The following ARHGAP10 variants were observed in gnomAD, a reference collection of about 807,000 sequenced individuals.
ARHGAP10 encodes the protein rho GTPase-activating protein 10.
Under a neutral mutation model 108.6 loss-of-function variants are expected in ARHGAP10, and 87 were observed. The observed-to-expected ratio is 0.80, with a 90% CI of 0.67 to 0.96. The LOEUF (loss-of-function observed/expected upper bound fraction) is 0.96. Ranked by LOEUF, ARHGAP10 falls within the 40% of genes least tolerant of loss-of-function variation. The pLI, the probability that ARHGAP10 is intolerant of heterozygous loss-of-function variation, is 0.00. For missense variants in ARHGAP10, 939 were observed against 954.5 expected, an observed-to-expected ratio of 0.98 and a Z score of 0.21; for synonymous variants, 347 against 341.1, an observed-to-expected ratio of 1.02 and a Z score of -0.19.
At chr4:148,045,695 G>A (rs1043652453) in intron 19 of ARHGAP10, among the ~76,000 whole-genome samples, 3 of 129,014 alleles carry the variant, frequency 2.3e-5, no homozygotes, top group East Asian at 2.4e-4. Context: ...CCGAGATCGC[G>A]CCATTGCACT....
intron 9 of ARHGAP10, 108 bp from the exon 10 acceptor site, chr4:147,881,730 A>G: frequency 4.8e-6 from 4 of 828,194 alleles, no homozygotes; most frequent in Non-Finnish European, 7.7e-6. Context: ...GGTAAAGAGA[A>G]GGACTTAAGA....
intron 20 of ARHGAP10, among the ~76,000 whole-genome samples, chr4:148,053,901 G>A (rs962428809): frequency 2.0e-5 from 3 of 152,064 alleles, no homozygotes; most frequent in Non-Finnish European, 4.4e-5. Context: ...GAAATTTGGA[G>A]GTTTTATTTT....
chr4:148,068,793 A>G (rs548625066), intron 22 of ARHGAP10, among the ~76,000 whole-genome samples: 264 of 152,280 alleles, frequency 1.7e-3, no homozygotes, highest in African/African-American at 6.1e-3. Flanking sequence ...GATGATGACA[A>G]TTCAGTGATT....
At chr4:147,775,149 G>A (rs1356388387) in intron 1 of ARHGAP10, among the ~76,000 whole-genome samples, 1 of 152,026 alleles carries the variant, frequency 6.6e-6, no homozygotes, top group Non-Finnish European at 1.5e-5. Context: ...TCCTGACCTC[G>A]TGATCCACTC....
intron 18 of ARHGAP10, among the ~76,000 whole-genome samples, chr4:148,007,477 G>A (rs1258917223): frequency 6.6e-6 from 1 of 152,176 alleles, no homozygotes; most frequent in Non-Finnish European, 1.5e-5. Context: ...GAGTCACTTG[G>A]CTTACGTAGC....
intron 18 of ARHGAP10, among the ~76,000 whole-genome samples, chr4:148,001,438 C>G (rs1252484480): frequency 6.6e-6 from 1 of 152,052 alleles, no homozygotes; most frequent in East Asian, 1.9e-4. Context: ...TAGTTTTTTC[C>G]AATTCTGTGA....
chr4:147,824,565 A>T (rs187601540), intron 3 of ARHGAP10, among the ~76,000 whole-genome samples: 2 of 152,158 alleles, frequency 1.3e-5, no homozygotes, highest in Non-Finnish European at 2.9e-5. Context: ...ACAGTTCCGC[A>T]TTGCTGGGGA....
intron 3 of ARHGAP10, 94 bp downstream of exon 3, chr4:147,823,051 T>A: frequency 7.8e-7 from 1 of 1,285,932 alleles, no homozygotes; most frequent in East Asian, 2.3e-5. Flanking sequence ...TGTGAAGCAT[T>A]TATCCCTGGG....
chr4:147,755,286 T>C (rs1223366678), intron 1 of ARHGAP10, among the ~76,000 whole-genome samples: 1 of 152,182 alleles, frequency 6.6e-6, no homozygotes, highest in Non-Finnish European at 1.5e-5. Context: ...ACATAACCAG[T>C]CTTTTGTGAT....
chr4:147,740,873 AT>A (rs1728626640), intron 1 of ARHGAP10, among the ~76,000 whole-genome samples: 1 of 152,172 alleles, frequency 6.6e-6, no homozygotes, highest in Non-Finnish European at 1.5e-5. Flanking sequence ...AGCATCTTGT[AT>A]ACCCATTCTT....
intron 18 of ARHGAP10, among the ~76,000 whole-genome samples, chr4:148,013,811 A>G (rs372784567): frequency 1.4e-3 from 208 of 152,302 alleles, no homozygotes; most frequent in African/African-American, 4.5e-3. Flanking sequence ...TTCTAAATGT[A>G]TTTACTTATA....
At chr4:147,813,749 A>G (rs10030416) in intron 1 of ARHGAP10, among the ~76,000 whole-genome samples, 2 of 152,208 alleles carry the variant, frequency 1.3e-5, no homozygotes. Context: ...AGTTGCTCAC[A>G]TGTTTTCCTG....
chr4:147,754,622 T>A (rs981049827), intron 1 of ARHGAP10, among the ~76,000 whole-genome samples: 2 of 150,630 alleles, frequency 1.3e-5, no homozygotes, highest in East Asian at 1.9e-4. Flanking sequence ...TGTATTCAAT[T>A]TTTTTTTTTG....
intron 1 of ARHGAP10, among the ~76,000 whole-genome samples, chr4:147,748,863 G>C (rs565505546): frequency 1.0e-3 from 155 of 152,264 alleles, no homozygotes; most frequent in South Asian, 4.1e-3. Context: ...GGAGGCTGAG[G>C]TGGGAGGATT....
intron 20 of ARHGAP10, among the ~76,000 whole-genome samples, chr4:148,053,476 G>A (rs998800624): frequency 3.3e-5 from 5 of 152,166 alleles, no homozygotes; most frequent in African/African-American, 1.2e-4. Context: ...TGGCTGAGAT[G>A]CGGGCGGGAG....
At chr4:147,950,897 C>A (rs1478980796) in intron 15 of ARHGAP10, among the ~76,000 whole-genome samples, 2 of 151,972 alleles carry the variant, frequency 1.3e-5, no homozygotes, top group Non-Finnish European at 2.9e-5. Flanking sequence ...TCTTTTAAGC[C>A]TGGAAATTGT....
intron 18 of ARHGAP10, among the ~76,000 whole-genome samples, chr4:147,997,084 A>T (rs1196162665): frequency 6.6e-6 from 1 of 152,262 alleles, no homozygotes; most frequent in Non-Finnish European, 1.5e-5. Flanking sequence ...TGCACGGAAG[A>T]ATAACACAGA....
At chr4:147,804,716 T>G (rs928006298) in intron 1 of ARHGAP10, among the ~76,000 whole-genome samples, 1 of 152,226 alleles carries the variant, frequency 6.6e-6, no homozygotes, top group Non-Finnish European at 1.5e-5. Context: ...TAGTTTTGAT[T>G]TGCATTTTTC....
chr4:147,872,095 C>T (rs10033226), intron 7 of ARHGAP10, among the ~76,000 whole-genome samples: 18,466 of 122,000 alleles, frequency 0.15, 1,567 homozygotes, highest in African/African-American at 0.3. Context: ...GAGTGAGACT[C>T]GGTCAAAAAA....
Sources: gnomAD v4.1 joint callset for allele counts (sites outside exome capture counted in the v4.1 genomes callset) on GRCh38, gnomAD v4.1.1 for gene constraint, MANE v1.5 for transcripts, NCBI Gene and HGNC (gene_info 2026-07-23, HGNC 2026-07-21) for gene names.